MRPS9: variants seen among roughly 807,000 people sequenced by gnomAD.
MRPS9 encodes small ribosomal subunit protein uS9m.
A neutral mutation model predicts 59.9 loss-of-function variants in MRPS9; 45 were observed. The ratio of observed to expected loss-of-function variants is 0.75; its 90% CI spans 0.59 to 0.96. The LOEUF (loss-of-function observed/expected upper bound fraction) is 0.96, where lower values mean the gene tolerates loss of function less well. Ranked by LOEUF, MRPS9 falls within the 40% of genes least tolerant of loss-of-function variation. The pLI, the probability that MRPS9 is intolerant of heterozygous loss-of-function variation, is 0.00. For synonymous variants in MRPS9, 171 were observed against 166.8 expected, an observed-to-expected ratio of 1.03 and a Z score of -0.19; for missense variants, 473 against 481.1, an observed-to-expected ratio of 0.98 and a Z score of 0.16.
intron 4 of MRPS9, among the ~76,000 whole-genome samples, chr2:105,079,634 A>G (rs1196719593): frequency 6.6e-6 from 1 of 152,072 alleles, no homozygotes; most frequent in African/African-American, 2.4e-5. Context: ...AAAATATGGG[A>G]GGGAGTTATG....
In MRPS9 at chr2:105,074,873, G is replaced by A. The variant is rs553026843; in HGVS notation, c.409+3384G>A. 2.6e-5 allele frequency among the ~76,000 whole-genome samples: 4 copies of A among 152,304 alleles called. No homozygotes were observed. The East Asian group carries it at 5.8e-4, about 22-fold the overall frequency. Reference sequence around the variant, plus strand: ...CCAATTTTGTGAAGGACGATTTCACGGACCAGGGGTTGGGGGATGGTTTCG... The same window carrying A: ...CCAATTTTGTGAAGGACGATTTCACAGACCAGGGGTTGGGGGATGGTTTCG... On this transcript the variant is annotated intron_variant, in intron 4 of 10. Transcript: ENST00000258455.
intron 5 of MRPS9, among the ~76,000 whole-genome samples, chr2:105,081,295 C>T (rs952461059): frequency 3.3e-5 from 5 of 152,212 alleles, no homozygotes; most frequent in African/African-American, 9.6e-5. Context: ...GGAGCTGACG[C>T]GCTAGGCCTG....
chr2:105,068,409 T>G (rs746881332), intron 2 of MRPS9, among the ~76,000 whole-genome samples: 1 of 152,216 alleles, frequency 6.6e-6, no homozygotes, highest in Non-Finnish European at 1.5e-5. Context: ...GTGTTATGAC[T>G]GACTATAAGC....
chr2:105,048,217 T>C (rs1359277884), intron 1 of MRPS9, among the ~76,000 whole-genome samples: 1 of 151,988 alleles, frequency 6.6e-6, no homozygotes. Context: ...ATGGATGAAA[T>C]TGGAAATCAT....
intron 4 of MRPS9, among the ~76,000 whole-genome samples, chr2:105,078,535 T>G (rs1263440715): frequency 6.6e-6 from 1 of 152,178 alleles, no homozygotes; most frequent in Non-Finnish European, 1.5e-5. Context: ...CGGATTTGAT[T>G]CATGAAGTCT....
intron 10 of MRPS9, 123 bp downstream of exon 10, chr2:105,097,447 G>A (rs987036498): frequency 4.1e-5 from 37 of 899,834 alleles, no homozygotes; most frequent in Middle Eastern, 6.6e-4. Context: ...ATTTCACTTC[G>A]CTGTCTTCTT....
intron 1 of MRPS9, among the ~76,000 whole-genome samples, chr2:105,045,832 T>C (rs1480104345): frequency 6.6e-6 from 1 of 152,022 alleles, no homozygotes; most frequent in Non-Finnish European, 1.5e-5. Flanking sequence ...TAATGAGAAT[T>C]ACCTCTAAGT....
intron 4 of MRPS9, among the ~76,000 whole-genome samples, chr2:105,078,851 A>C (rs1680267310): frequency 6.6e-6 from 1 of 152,208 alleles, no homozygotes; most frequent in African/African-American, 2.4e-5. Flanking sequence ...ATAAAATAAA[A>C]ATTCCAGAAG....
intron 2 of MRPS9, among the ~76,000 whole-genome samples, chr2:105,070,915 A>G (rs1474129716): frequency 6.6e-6 from 1 of 152,234 alleles, no homozygotes; most frequent in East Asian, 1.9e-4. Context: ...GGGTGTCATG[A>G]TGGGTGAGAC....
chr2:105,078,923 A>G lies in MRPS9; in HGVS notation c.410-1060A>G, dbSNP rs532874476. The stretch of plus-strand genomic sequence containing the variant: ...TAAAGCATGTTTCCTCAGTGGGGGC[A>G]AAGACTGGTTCACGGGGGTGGGGAA... On this transcript the variant is annotated intron_variant, in intron 4 of 10. Transcript: ENST00000258455. 2.0e-5 allele frequency among the ~76,000 whole-genome samples: 3 copies of G among 152,292 alleles called. No homozygotes were observed. The South Asian group carries it at 6.2e-4, about 32-fold the overall frequency.
intron 5 of MRPS9, among the ~76,000 whole-genome samples, chr2:105,088,109 CA>C (rs374505636): frequency 0.026 from 2,310 of 88,244 alleles, 41 homozygotes; most frequent in African/African-American, 0.078. Context: ...TCATGATTAG[CA>C]AAAAAAAAAA....
intron 4 of MRPS9, 127 bp downstream of exon 4, chr2:105,071,616 C>A: frequency 2.4e-6 from 2 of 825,396 alleles, no homozygotes; most frequent in South Asian, 1.9e-5. Context: ...TGAAGTAGGT[C>A]AAAAAATTTT....
chr2:105,045,377 G>A lies in MRPS9; in HGVS notation c.136-3794G>A, dbSNP rs1429139334. Among the ~76,000 whole-genome samples the A allele has an allele frequency of 6.8e-5, 10 of 147,652 alleles. No homozygotes were observed. In the East Asian group the frequency reaches 1.6e-3, roughly 23 times the overall value. ...TTCATATAGCAAAAGAAAGAAAATA[G>A]GAAGGAAGCATTAAAAAATGTAAAG... On this transcript the variant is annotated intron_variant, in intron 1 of 10. Transcript: ENST00000258455.
chr2:105,047,289 C>A (rs750490717), intron 1 of MRPS9, among the ~76,000 whole-genome samples: 57 of 151,892 alleles, frequency 3.8e-4, no homozygotes, highest in Non-Finnish European at 7.7e-4. Context: ...TTTTAAATTG[C>A]CCTTTTCTTA....
chr2:105,064,878 A>C (rs1679972006), intron 2 of MRPS9, among the ~76,000 whole-genome samples: 1 of 152,252 alleles, frequency 6.6e-6, no homozygotes, highest in African/African-American at 2.4e-5. Flanking sequence ...ACTGGTAAAA[A>C]GAGAAAGATG....
chr2:105,072,664 C>A (rs1286524794), intron 4 of MRPS9, among the ~76,000 whole-genome samples: 1 of 152,014 alleles, frequency 6.6e-6, no homozygotes, highest in Non-Finnish European at 1.5e-5. Context: ...ATACGCAGGC[C>A]GCTTTATCAG....
intron 1 of MRPS9, among the ~76,000 whole-genome samples, chr2:105,045,341 C>CT (rs539221109): frequency 0.043 from 6,054 of 141,232 alleles, 395 homozygotes; most frequent in African/African-American, 0.14. Context: ...AAACCCAATT[C>CT]TTTTTTTTTT....
intron 5 of MRPS9, 62 bp downstream of exon 5, chr2:105,080,124 G>T: frequency 1.7e-6 from 2 of 1,193,080 alleles, no homozygotes; most frequent in Non-Finnish European, 2.4e-6. Flanking sequence ...AATTATACTG[G>T]ATACTGTTCG....
chr2:105,092,484 A>C lies in MRPS9; in HGVS notation c.735A>C (p.Arg245=), dbSNP rs780056608. The part of the protein sequence containing the change: ...AAEEEFVQRF[R]RSVTLESKKQ... ...AGGAAGAATTTGTGCAGAGGTTTCG[A>C]AGAAGTGTAACTCTTGAATCAAAAA... Residue 245 remains arginine (R), a synonymous_variant, in exon 8 of 11, where the codon CGA becomes CGC. Transcript: ENST00000258455. The C allele has an allele frequency of 3.7e-6, 6 of 1,614,034 alleles. No individual in the cohort carries two copies. Among genetic ancestry groups the C allele is most frequent in the Admixed American group, 1.7e-5 (1 of 59,990 alleles).
Sources: allele counts gnomAD v4.1 joint callset (sites outside exome capture counted in the v4.1 genomes callset), GRCh38; gene constraint gnomAD v4.1.1; transcripts MANE v1.5; gene names NCBI Gene and HGNC (gene_info 2026-07-23, HGNC 2026-07-21).